Variants in GOLGA3 observed in about 807,000 individuals in gnomAD.
The protein encoded by GOLGA3 is golgin subfamily A member 3.
Under a neutral mutation model 169.4 loss-of-function variants are expected in GOLGA3, and 75 were observed. That is an observed-to-expected ratio of 0.44 (90% CI 0.37 to 0.54). The LOEUF (loss-of-function observed/expected upper bound fraction) is 0.54. Ranked by LOEUF, GOLGA3 falls within the 20% of genes least tolerant of loss-of-function variation. The pLI is 0.00. For synonymous variants in GOLGA3, 824 were observed against 822.4 expected (o/e 1.00, Z -0.03); for missense variants, 1,899 against 1,930.0 (o/e 0.98, Z 0.30).
At chr12:132,784,411 G>C (rs1308159008) in intron 15 of GOLGA3, 104 bp from the exon 16 acceptor site, 1 of 935,098 alleles carries the variant, frequency 1.1e-6, no homozygotes, top group African/African-American at 1.6e-5. Context: ...GCACACACCA[G>C]ACACCAGCTG....
intron 4 of GOLGA3, among the ~76,000 whole-genome samples, chr12:132,810,473 A>C (rs892898613): frequency 6.6e-6 from 1 of 152,168 alleles, no homozygotes; most frequent in East Asian, 1.9e-4. Flanking sequence ...TTATATATGA[A>C]TATCATTAAT....
At chr12:132,812,527 G>A (rs945756940) in intron 4 of GOLGA3, among the ~76,000 whole-genome samples, 7 of 152,132 alleles carry the variant, frequency 4.6e-5, no homozygotes, top group Non-Finnish European at 4.4e-5. Flanking sequence ...CATGGGTGGA[G>A]GGGTCAAAAT....
intron 21 of GOLGA3, among the ~76,000 whole-genome samples, chr12:132,775,820 C>T (rs1241075681): frequency 6.6e-6 from 1 of 152,254 alleles, no homozygotes; most frequent in Non-Finnish European, 1.5e-5. Context: ...CAATTACACT[C>T]CTTTCCCGAG....
chr12:132,798,643 T>C (rs1948987583), intron 8 of GOLGA3, among the ~76,000 whole-genome samples, 166 bp from the exon 9 acceptor site: 1 of 140,948 alleles, frequency 7.1e-6, no homozygotes, highest in African/African-American at 2.6e-5. Flanking sequence ...AAATATGCGC[T>C]GTCTGGGCTC....
In GOLGA3 at chr12:132,776,850, T is replaced by C. The variant is rs979354889; in HGVS notation, c.3856-94A>G. The C allele has an allele frequency of 9.3e-5, 145 of 1,552,192 alleles. 1 individual carries two copies. In the South Asian group the frequency reaches 1.7e-3, roughly 18 times the overall value. ...AGCTGTGTTTTGGTTTATCTTTTAA[T>C]ACCATATTCAGAAAACCATCACTGT... On this transcript the variant is annotated intron_variant, in intron 20 of 23. Coordinates refer to ENST00000450791, the MANE Select transcript of GOLGA3 (RefSeq NM_001389683.1).
intron 13 of GOLGA3, among the ~76,000 whole-genome samples, chr12:132,788,236 A>G (rs2136380177): frequency 6.6e-6 from 1 of 152,248 alleles, no homozygotes; most frequent in South Asian, 2.1e-4. Flanking sequence ...CTGGCTCCTA[A>G]TGAGCCAGAC....
intron 11 of GOLGA3, 114 bp from the exon 12 acceptor site, chr12:132,791,407 G>C: frequency 1.6e-6 from 1 of 611,814 alleles, no homozygotes; most frequent in South Asian, 2.1e-5. Flanking sequence ...AAATGTTACA[G>C]AGAGCTCCAG....
In GOLGA3 at chr12:132,821,867, A is replaced by C. The variant is rs1425302496; in HGVS notation, c.133+129T>G. ...AGACTCCGTCTCAAAAAAAAAAAAA[A>C]AAAAAAACAACTTTGAATTAAGTGA... On this transcript the variant is annotated intron_variant, in intron 2 of 23. Coordinates refer to ENST00000450791, the MANE Select transcript of GOLGA3 (RefSeq NM_001389683.1). 7.5e-6 allele frequency: 5 copies of C among 664,582 alleles called. No individual in the cohort carries two copies. In the Admixed American group the frequency reaches 8.9e-5, roughly 12 times the overall value. The allele number at this position is 664,582 out of a possible 1,614,324, so 41.2% of individuals were successfully genotyped here. A position where few individuals can be genotyped will look rare whatever the true frequency, so the allele number is the denominator to read the frequency against.
At chr12:132,788,348 C>T (rs1012504020) in intron 13 of GOLGA3, among the ~76,000 whole-genome samples, 23 of 152,306 alleles carry the variant, frequency 1.5e-4, no homozygotes, top group African/African-American at 4.8e-4. Flanking sequence ...TGCCATCAGA[C>T]GACTCTCCCC....
rs1304000563 is a variant in GOLGA3 at position 132,796,223 on chromosome 12, G to A, written c.2101-3C>T. 59 of 1,582,994 alleles carry A rather than the reference G, an allele frequency of 3.7e-5. No individual in the cohort carries two copies. The highest frequency in any genetic ancestry group is 1.4e-4 in the East Asian group (6 of 44,252). On this transcript the variant is annotated splice_polypyrimidine_tract_variant and splice_region_variant and intron_variant, in intron 10 of 23. Transcript: ENST00000450791. ...CGCTGGAGTAAAGTCAACTTCACCT[G>A]GAGAAGGAATGAAGCCCACATGGCT...
intron 9 of GOLGA3, 99 bp from the exon 10 acceptor site, chr12:132,796,799 T>A (rs546429369): frequency 4.2e-6 from 5 of 1,191,208 alleles, no homozygotes; most frequent in Admixed American, 3.9e-5. Flanking sequence ...CGCCCTGGCA[T>A]GGGCCCCATC....
chr12:132,824,155 C>T (rs1465576197), intron 1 of GOLGA3, among the ~76,000 whole-genome samples: 2 of 152,204 alleles, frequency 1.3e-5, no homozygotes, highest in Admixed American at 6.5e-5. Flanking sequence ...TCACTGACCC[C>T]GCAGCAGGAC....
chr12:132,777,262 G>A lies in GOLGA3; in HGVS notation c.3723-172C>T, dbSNP rs189188293. 2.0e-5 allele frequency among the ~76,000 whole-genome samples: 3 copies of A among 152,218 alleles called. No homozygotes were observed. The highest frequency in any genetic ancestry group is 1.9e-4 in the East Asian group (1 of 5,176). On this transcript the variant is annotated intron_variant, in intron 19 of 23. Coordinates refer to ENST00000450791, the MANE Select transcript of GOLGA3 (RefSeq NM_001389683.1). The surrounding 1 kb of genome is among the most constrained non-coding windows in gnomAD (Gnocchi z 4.7). Reference sequence around the variant, plus strand: ...CAGTGTGCACTCGGGCAGTCCTCACGAAGCACCTGAGACTCACACTTCACT... The same window carrying A: ...CAGTGTGCACTCGGGCAGTCCTCACAAAGCACCTGAGACTCACACTTCACT...
rs767436937 is a variant in GOLGA3, at chr12:132,805,039, A to C, written c.1291-17T>G. On this transcript the variant is annotated splice_polypyrimidine_tract_variant and intron_variant, in intron 6 of 23. Transcript: ENST00000450791. ...TTTAAGTGCCTGAAAAGATCCCAAC[A>C]ACCACAATGATTTTAAGAAAACGAG... 11 of 1,597,688 alleles carry C rather than the reference A, an allele frequency of 6.9e-6. No homozygotes were observed. The highest frequency in any genetic ancestry group is 2.7e-5 in the African/African-American group (2 of 74,720).
At chr12:132,788,944 G>A (rs1433704536) in intron 13 of GOLGA3, 83 bp downstream of exon 13, 6 of 186,824 alleles carry the variant, frequency 3.2e-5, no homozygotes, top group African/African-American at 9.1e-5. Flanking sequence ...CACAGGCCCC[G>A]CCCCAGACAC....
intron 1 of GOLGA3, among the ~76,000 whole-genome samples, chr12:132,824,020 T>C (rs189166354): frequency 1.9e-3 from 283 of 152,168 alleles, no homozygotes; most frequent in Non-Finnish European, 3.1e-3. Flanking sequence ...GAGACAGAGG[T>C]TGCGTGAGCC....
chr12:132,816,500 G>C (rs113953669), intron 3 of GOLGA3, 40 bp downstream of exon 3: 1 of 1,595,446 alleles, frequency 6.3e-7, no homozygotes, highest in African/African-American at 1.3e-5. Context: ...TGAGCGACGC[G>C]GACGTGGAGG....
At chr12:132,774,752 G>A (rs973162132) in intron 22 of GOLGA3, 12 of 426,326 alleles carry the variant, frequency 2.8e-5, no homozygotes, top group Admixed American at 8.0e-5. Flanking sequence ...CTCTCAATCC[G>A]AGCGCTGCCC....
chr12:132,828,386 C>G (rs1457711518), intron 1 of GOLGA3: 1 of 152,302 alleles, frequency 6.6e-6, no homozygotes, highest in Admixed American at 6.5e-5. Context: ...AGTCGGCCAG[C>G]GACAAAGACA....
Sources: gnomAD v4.1 joint callset for allele counts (sites outside exome capture counted in the v4.1 genomes callset) on GRCh38, gnomAD v4.1.1 for gene constraint, Gnocchi (gnomAD v3.1) non-coding constraint, MANE v1.5 for transcripts, NCBI Gene and HGNC (gene_info 2026-07-23, HGNC 2026-07-21) for gene names.